Variants in DCBLD1 observed in about 807,000 individuals in gnomAD.
DCBLD1 encodes discoidin, CUB and LCCL domain containing 1, also known as discoidin, CUB and LCCL domain-containing protein 1.
Under a neutral mutation model 71.5 loss-of-function variants are expected in DCBLD1, and 57 were observed. The observed-to-expected ratio is 0.80, with a 90% confidence interval of 0.64 to 0.99. DCBLD1 has a LOEUF of 0.99. Among genes scored for constraint, DCBLD1 ranks in the 50% least tolerant of loss-of-function variants. The pLI is 0.00. For synonymous variants in DCBLD1, 380 were observed against 363.8 expected (o/e 1.04, Z -0.51); for missense variants, 891 against 923.5 (o/e 0.96, Z 0.46).
intron 14 of DCBLD1, chr6:117,560,750 C>T: frequency 4.9e-6 from 1 of 205,970 alleles, no homozygotes. Flanking sequence ...TAAATATATA[C>T]ACGCACACAT....
intron 14 of DCBLD1, chr6:117,562,484 TG>T: frequency 4.9e-6 from 1 of 203,590 alleles, no homozygotes; most frequent in Non-Finnish European, 1.0e-5. Flanking sequence ...TCAACATGAA[TG>T]GGTAAATGCT....
At chr6:117,501,759 C>T (rs1777668605) in intron 1 of DCBLD1, among the ~76,000 whole-genome samples, 2 of 152,220 alleles carry the variant, frequency 1.3e-5, no homozygotes, top group African/African-American at 4.8e-5. Context: ...ATGCTTCTCT[C>T]TTGTATCATT....
chr6:117,531,514 T>C lies in DCBLD1; in HGVS notation c.586-746T>C, dbSNP rs1202674781. ...GAGCCAGTCTGCTGTTCCTGCTGCATCTGTCAGAACAGCCAGCAGCCTGCT... is the reference window on the plus strand; with the variant it reads ...GAGCCAGTCTGCTGTTCCTGCTGCACCTGTCAGAACAGCCAGCAGCCTGCT... On this transcript the variant is annotated intron_variant, in intron 5 of 14. Coordinates refer to ENST00000338728, the MANE Select transcript of DCBLD1 (RefSeq NM_001366458.2). 4.6e-5 allele frequency among the ~76,000 whole-genome samples: 7 copies of C among 152,278 alleles called. No homozygotes were observed. The East Asian group carries it at 1.4e-3, about 29-fold the overall frequency.
chr6:117,565,454 A>C (rs753242211), intron 14 of DCBLD1, among the ~76,000 whole-genome samples: 4 of 152,208 alleles, frequency 2.6e-5, no homozygotes, highest in Non-Finnish European at 4.4e-5. Flanking sequence ...TTATATTAAA[A>C]TCCATTTGCC....
downstream of DCBLD1, among the ~76,000 whole-genome samples, chr6:117,554,042 A>T (rs889883782): frequency 5.9e-5 from 9 of 152,222 alleles, no homozygotes; most frequent in Non-Finnish European, 1.3e-4. Context: ...TGTCTGACCC[A>T]TGATAAGTGC....
At chr6:117,550,998 C>T (rs1382558245), downstream of DCBLD1, among the ~76,000 whole-genome samples, 1 of 152,290 alleles carries the variant, frequency 6.6e-6, no homozygotes, top group East Asian at 1.9e-4. Context: ...AAACACAGCC[C>T]ATGCAGTCAC....
At chr6:117,540,525 A>C in intron 9 of DCBLD1, 143 bp from the exon 10 acceptor site, 1 of 937,884 alleles carries the variant, frequency 1.1e-6, no homozygotes, top group East Asian at 2.6e-5. Context: ...AAAGCCTCGT[A>C]TCTTCAATAT....
At chr6:117,492,920 G>A (rs1010147800) in intron 1 of DCBLD1, among the ~76,000 whole-genome samples, 4 of 152,154 alleles carry the variant, frequency 2.6e-5, no homozygotes, top group East Asian at 3.9e-4. Flanking sequence ...ATTTTCCACA[G>A]TATGCTCAAG....
intron 2 of DCBLD1, among the ~76,000 whole-genome samples, chr6:117,505,253 C>T (rs572280150): frequency 2.6e-5 from 4 of 152,116 alleles, no homozygotes; most frequent in African/African-American, 7.2e-5. Flanking sequence ...TGCTGAAGGC[C>T]CCTGGGAACA....
chr6:117,482,942 G>A (rs1253062652), intron 1 of DCBLD1, 49 bp downstream of exon 1: 1 of 1,146,808 alleles, frequency 8.7e-7, no homozygotes, highest in East Asian at 4.6e-5. Flanking sequence ...CGCCAGGGGC[G>A]GGCTGAGGGC....
downstream of DCBLD1, among the ~76,000 whole-genome samples, chr6:117,553,177 T>G (rs1779453593): frequency 6.6e-6 from 1 of 152,186 alleles, no homozygotes; most frequent in African/African-American, 2.4e-5. Context: ...TGATCCCTTT[T>G]TCCGTACCCC....
chr6:117,494,588 A>C (rs1266659177), intron 1 of DCBLD1, among the ~76,000 whole-genome samples: 1 of 151,704 alleles, frequency 6.6e-6, no homozygotes, highest in African/African-American at 2.4e-5. Flanking sequence ...TGTACAAACA[A>C]GTTTTTTTTT....
Position 117,560,285 on chromosome 6 carries a change from CAA to C in DCBLD1, c.1616-9332_1616-9331del, listed in dbSNP as rs528778155. On this transcript the variant is annotated intron_variant, in intron 14 of 14. Transcript: ENST00000296955. ...GCCAAAATATTTAACGTCAAGGAAA[CAA>C]AATGTTTATTTAAAAAAATGAGATC... 6 of 174,774 alleles carry C rather than the reference CAA, an allele frequency of 3.4e-5. No individual in the cohort carries two copies. In the East Asian group the frequency reaches 6.0e-4, roughly 18 times the overall value. 10.8% of individuals were successfully genotyped at this position (174,774 alleles called of 1,614,324 possible). A position where few individuals can be genotyped will look rare whatever the true frequency, so the allele number is the denominator to read the frequency against.
At position 117,483,161 on chromosome 6, in the gene DCBLD1, T is replaced by A. The variant is rs147671084; in HGVS notation, c.112+268T>A. On this transcript the variant is annotated intron_variant, in intron 1 of 14. Coordinates refer to ENST00000338728, the MANE Select transcript of DCBLD1 (RefSeq NM_001366458.2). ...AACCAGAGAATTAACCTGGCGTCTC[T>A]GCACTTTCTCTCCGCCGCCCCCCAG... Among the ~76,000 whole-genome samples the A allele has an allele frequency of 3.2e-3, 491 of 152,248 alleles. 4 individuals are homozygous for A. Among genetic ancestry groups the A allele is most frequent in the African/African-American group, 0.012 (478 of 41,532 alleles).
At chr6:117,516,379 T>G (rs960532466) in intron 2 of DCBLD1, among the ~76,000 whole-genome samples, 1 of 151,212 alleles carries the variant, frequency 6.6e-6, no homozygotes, top group African/African-American at 2.4e-5. Flanking sequence ...AAAAAGAAAG[T>G]ATTAACTCAT....
At chr6:117,566,823 T>A (rs754635148) in intron 14 of DCBLD1, 2 of 1,370,726 alleles carry the variant, frequency 1.5e-6, no homozygotes, top group South Asian at 1.5e-5. Context: ...ATAATGAATA[T>A]GTTAATAATA....
intron 11 of DCBLD1, 22 bp downstream of exon 11, chr6:117,541,047 G>C: frequency 6.2e-7 from 1 of 1,612,692 alleles, no homozygotes; most frequent in Non-Finnish European, 8.5e-7. Flanking sequence ...ATTGTCTGTG[G>C]TTTCATAAGG....
Position 117,532,346 on chromosome 6 carries a change from G to C in DCBLD1, c.672G>C (p.Gly224=). 1 of 1,613,454 alleles carries C rather than the reference G, an allele frequency of 6.2e-7. No homozygotes were observed. The highest frequency in any genetic ancestry group is 8.5e-7 in the Non-Finnish European group (1 of 1,179,826). The change falls in exon 6 of 15, where the codon GGG becomes GGC. Residue 224 remains glycine (G), a synonymous_variant. Transcript: ENST00000338728. ...AGATCAGTGTGCTTCAGCGCAAAGG[G>C]ATCAGTCGATATGAAGGGATTCTGG... is the stretch of plus-strand genomic sequence containing the variant. ...GGQISVLQRK[G]ISRYEGILAN...
chr6:117,553,930 G>A (rs1779463324), downstream of DCBLD1, among the ~76,000 whole-genome samples: 1 of 152,134 alleles, frequency 6.6e-6, no homozygotes. Flanking sequence ...TACTTTCTAT[G>A]ACTCCATTTC....
Sources: allele counts gnomAD v4.1 joint callset (sites outside exome capture counted in the v4.1 genomes callset), GRCh38; gene constraint gnomAD v4.1.1; transcripts MANE v1.5; gene names NCBI Gene and HGNC (gene_info 2026-07-23, HGNC 2026-07-21).